Variants in IQGAP2 observed in about 807,000 individuals in gnomAD.
The protein encoded by IQGAP2 is ras GTPase-activating-like protein IQGAP2.
A neutral mutation model predicts 201.3 loss-of-function variants in IQGAP2; 173 were observed. The ratio of observed to expected loss-of-function variants is 0.86; its 90% CI spans 0.76 to 0.98. The LOEUF (loss-of-function observed/expected upper bound fraction) is 0.98, where lower values mean the gene tolerates loss of function less well. Ranked by LOEUF, IQGAP2 falls within the 50% of genes least tolerant of loss-of-function variation. The probability of loss-of-function intolerance (pLI) is 0.00; values close to 1 mark genes in which losing one functional copy is unlikely to be tolerated. For missense variants in IQGAP2, 1,687 were observed against 1,864.8 expected, an observed-to-expected ratio of 0.90 and a Z score of 1.76; for synonymous variants, 675 against 673.9, an observed-to-expected ratio of 1.00 and a Z score of -0.03.
intron 1 of IQGAP2, among the ~76,000 whole-genome samples, chr5:76,409,739 A>T (rs1228751027): frequency 6.7e-6 from 1 of 149,684 alleles, no homozygotes; most frequent in Non-Finnish European, 1.5e-5. Flanking sequence ...CATACCTTAA[A>T]GTCTGGGATT....
At chr5:76,573,668 G>GTGGTTCCATCTCGGCTCACTGCAA (rs374734736) in intron 4 of IQGAP2, among the ~76,000 whole-genome samples, 1,889 of 152,314 alleles carry the variant, frequency 0.012, 36 homozygotes, top group African/African-American at 0.043. Flanking sequence ...CTGGACTGCA[G>GTGGTTCCATCTCGGCTCACTGCAA]TGGTGCCATC....
intron 3 of IQGAP2, among the ~76,000 whole-genome samples, chr5:76,570,251 G>A (rs1278106351): frequency 6.6e-6 from 1 of 152,178 alleles, no homozygotes; most frequent in Non-Finnish European, 1.5e-5. Flanking sequence ...ATGCATGTGT[G>A]TGTATGTGCG....
At chr5:76,428,373 A>G (rs975748174) in intron 1 of IQGAP2, among the ~76,000 whole-genome samples, 1 of 151,952 alleles carries the variant, frequency 6.6e-6, no homozygotes, top group Non-Finnish European at 1.5e-5. Context: ...TGGTAATGCA[A>G]AGGAAGATGG....
intron 21 of IQGAP2, among the ~76,000 whole-genome samples, chr5:76,661,359 G>A (rs1010158641): frequency 2.0e-5 from 3 of 152,186 alleles, no homozygotes; most frequent in South Asian, 4.1e-4. Context: ...TTTCCTGGAG[G>A]CACAGGAGCC....
At chr5:76,409,413 A>C (rs1002723216) in intron 1 of IQGAP2, among the ~76,000 whole-genome samples, 1 of 151,468 alleles carries the variant, frequency 6.6e-6, no homozygotes, top group Non-Finnish European at 1.5e-5. Flanking sequence ...TGCCTGGCTA[A>C]TTTTTGTATT....
chr5:76,645,163 TGCAAAG>T (rs1054787356), intron 17 of IQGAP2, among the ~76,000 whole-genome samples: 3 of 152,006 alleles, frequency 2.0e-5, no homozygotes, highest in Non-Finnish European at 4.4e-5. Context: ...TCCATGTCCC[TGCAAAG>T]GATGTGAACT....
chr5:76,588,859 A>G (rs371558272), intron 5 of IQGAP2, 47 bp from the exon 6 acceptor site: 1 of 1,138,632 alleles, frequency 8.8e-7, no homozygotes, highest in East Asian at 2.4e-5. Flanking sequence ...TAACATTAAG[A>G]CTTATGATGA....
At chr5:76,492,890 T>A (rs1021851684) in intron 2 of IQGAP2, among the ~76,000 whole-genome samples, 1 of 152,302 alleles carries the variant, frequency 6.6e-6, no homozygotes, top group Middle Eastern at 3.4e-3. Flanking sequence ...TTGTCACGTT[T>A]CTAGTGAGAA....
intron 20 of IQGAP2, among the ~76,000 whole-genome samples, chr5:76,655,284 A>G (rs895475565): frequency 3.3e-5 from 5 of 150,798 alleles, no homozygotes; most frequent in Admixed American, 3.3e-4. Flanking sequence ...TTTTTTTTTC[A>G]ATCTAAGCGA....
intron 2 of IQGAP2, among the ~76,000 whole-genome samples, chr5:76,510,214 G>T (rs1331372731): frequency 3.3e-5 from 5 of 152,140 alleles, no homozygotes; most frequent in Admixed American, 6.5e-5. Flanking sequence ...TGGCCAGGCT[G>T]GTCTCGAACT....
At chr5:76,461,869 G>A (rs2150126405) in intron 2 of IQGAP2, among the ~76,000 whole-genome samples, 200 bp downstream of exon 2, 1 of 152,332 alleles carries the variant, frequency 6.6e-6, no homozygotes, top group South Asian at 2.1e-4. Context: ...CAGGAGGCCA[G>A]TGGGCTAGGG....
At chr5:76,542,605 CACTT>C (rs1392368315) in intron 2 of IQGAP2, among the ~76,000 whole-genome samples, 2 of 152,248 alleles carry the variant, frequency 1.3e-5, no homozygotes, top group African/African-American at 2.4e-5. Flanking sequence ...CCTCCACTGA[CACTT>C]TCTTTCCTGA....
intron 2 of IQGAP2, among the ~76,000 whole-genome samples, chr5:76,472,865 G>A (rs1755189528): frequency 6.6e-6 from 1 of 152,176 alleles, no homozygotes; most frequent in African/African-American, 2.4e-5. Context: ...GGAGAGGTTT[G>A]GAATTTTCCA....
At chr5:76,700,943 A>T (rs1315464137) in intron 33 of IQGAP2, 133 bp from the exon 34 acceptor site, 6 of 828,788 alleles carry the variant, frequency 7.2e-6, no homozygotes, top group Non-Finnish European at 1.1e-5. Context: ...CTATCACAAA[A>T]TAAAAAAGTG....
chr5:76,543,802 T>G (rs1352241085), intron 2 of IQGAP2, among the ~76,000 whole-genome samples: 3 of 152,208 alleles, frequency 2.0e-5, no homozygotes, highest in East Asian at 1.9e-4. Context: ...TCAAGGTAGA[T>G]GGGACGAGGT....
At chr5:76,658,154 G>C (rs1347529435) in intron 20 of IQGAP2, among the ~76,000 whole-genome samples, 2 of 152,204 alleles carry the variant, frequency 1.3e-5, no homozygotes, top group African/African-American at 4.8e-5. Flanking sequence ...ATGAGGCACA[G>C]ATAGGACTAT....
chr5:76,658,599 C>G lies in IQGAP2; in HGVS notation c.2461C>G (p.Leu821Val). Residue 821 changes from leucine (L) to valine (V), a missense_variant, in exon 21 of 36, where the codon CTG becomes GTG. Transcript: ENST00000274364. ...GACCAAGATCAGGGCCAATCAACAG[C>G]TGGAAAAAGACCTGAACCTGATGGA... ...VVTKIRANQQLEKDLNLMDIK... is the reference protein window; with the variant it reads ...VVTKIRANQQVEKDLNLMDIK... 1 of 1,613,968 alleles carries G rather than the reference C, an allele frequency of 6.2e-7. No homozygotes were observed. Among genetic ancestry groups the G allele is most frequent in the Non-Finnish European group, 8.5e-7 (1 of 1,179,984 alleles).
At chr5:76,613,167 G>A (rs1748561673) in intron 13 of IQGAP2, among the ~76,000 whole-genome samples, 1 of 152,200 alleles carries the variant, frequency 6.6e-6, no homozygotes, top group South Asian at 2.1e-4. Context: ...CGAGCCTGAG[G>A]CTCAGGGCGA....
chr5:76,568,621 C>T (rs1744906376), intron 3 of IQGAP2, among the ~76,000 whole-genome samples: 2 of 152,180 alleles, frequency 1.3e-5, no homozygotes, highest in Non-Finnish European at 2.9e-5. Flanking sequence ...GTTTATTTAA[C>T]TTGTTGGGCA....
Sources: allele counts gnomAD v4.1 joint callset (sites outside exome capture counted in the v4.1 genomes callset), GRCh38; gene constraint gnomAD v4.1.1; transcripts MANE v1.5; gene names NCBI Gene and HGNC (gene_info 2026-07-23, HGNC 2026-07-21).